Variants in HEATR5A observed in about 807,000 individuals in gnomAD.
The protein encoded by HEATR5A is HEAT repeat-containing protein 5A.
A neutral mutation model predicts 218.8 loss-of-function variants in HEATR5A; 178 were observed. The observed-to-expected ratio is 0.81, with a 90% CI of 0.72 to 0.92. The LOEUF (loss-of-function observed/expected upper bound fraction) is 0.92. HEATR5A is among the 40% of genes least tolerant of loss of function. The pLI, the probability that HEATR5A is intolerant of heterozygous loss-of-function variation, is 0.00. For missense variants in HEATR5A, 2,420 were observed against 2,418.9 expected (o/e 1.00, Z -0.01); for synonymous variants, 864 against 871.6 (o/e 0.99, Z 0.15).
At position 31,366,252 on chromosome 14, in the gene HEATR5A, C is replaced by G. The variant is rs368109940; in HGVS notation, c.1962-1954G>C. Among the ~76,000 whole-genome samples, 11 of 152,112 alleles carry G rather than the reference C, an allele frequency of 7.2e-5. No homozygotes were observed. In the South Asian group the frequency reaches 2.3e-3, roughly 32 times the overall value. On this transcript the variant is annotated intron_variant, in intron 13 of 35. Coordinates refer to ENST00000543095, the MANE Select transcript of HEATR5A (RefSeq NM_015473.4). ...CTGCGCCACTGCACTCAATCCCGGG[C>G]GACAGACTGAAATAGTGTCTCAAAA...
chr14:31,403,003 A>T lies in HEATR5A; in HGVS notation c.-28T>A, dbSNP rs1299777865. The T allele has an allele frequency of 1.3e-6, 2 of 1,528,080 alleles. No homozygotes were observed. The highest frequency in any genetic ancestry group is 1.8e-6 in the Non-Finnish European group (2 of 1,142,086). 94.7% of individuals were successfully genotyped at this position (1,528,080 alleles called of 1,614,324 possible). ...CTTGCAGCAATCCTCCCAGCTGATCACAGTTCTTCTCGTTAAACTTTGGTC... is the reference window on the plus strand; with the variant it reads ...CTTGCAGCAATCCTCCCAGCTGATCTCAGTTCTTCTCGTTAAACTTTGGTC... On this transcript the variant is annotated 5_prime_UTR_variant, in exon 2 of 36. Coordinates refer to ENST00000543095, the MANE Select transcript of HEATR5A (RefSeq NM_015473.4).
chr14:31,311,878 T>C (rs1595085209), intron 28 of HEATR5A, among the ~76,000 whole-genome samples: 1 of 152,210 alleles, frequency 6.6e-6, no homozygotes, highest in African/African-American at 2.4e-5. Flanking sequence ...TATATCCTAA[T>C]GTGATCTGTA....
chr14:31,344,871 T>C (rs1030839608), intron 20 of HEATR5A, among the ~76,000 whole-genome samples: 2 of 152,220 alleles, frequency 1.3e-5, no homozygotes, highest in African/African-American at 2.4e-5. Context: ...TCTGTCATTT[T>C]AACTGTTAAG....
chr14:31,358,834 T>A (rs1901514916), intron 15 of HEATR5A, 22 bp from the exon 16 acceptor site: 1 of 1,611,298 alleles, frequency 6.2e-7, no homozygotes, highest in Admixed American at 1.7e-5. Flanking sequence ...AAAAAGTATA[T>A]AAGGTTTTAA....
intron 28 of HEATR5A, 24 bp downstream of exon 28, chr14:31,312,944 T>C: frequency 6.6e-7 from 1 of 1,522,978 alleles, no homozygotes; most frequent in Non-Finnish European, 9.1e-7. Context: ...CTCTAGGAAT[T>C]ATCTAAGTAT....
At chr14:31,321,930 A>T (rs1016743185) in intron 24 of HEATR5A, among the ~76,000 whole-genome samples, 15 of 152,192 alleles carry the variant, frequency 9.9e-5, no homozygotes, top group African/African-American at 3.6e-4. Context: ...AGCATTTTTT[A>T]AGTGTCCTAA....
At chr14:31,382,860 G>A (rs2030051381) in intron 10 of HEATR5A, among the ~76,000 whole-genome samples, 1 of 150,866 alleles carries the variant, frequency 6.6e-6, no homozygotes, top group Admixed American at 6.7e-5. Flanking sequence ...AGCCCCTTAA[G>A]TTACCTCTTT....
chr14:31,298,440 T>A (rs558228485), intron 33 of HEATR5A, among the ~76,000 whole-genome samples: 1 of 152,178 alleles, frequency 6.6e-6, no homozygotes, highest in South Asian at 2.1e-4. Context: ...AGAAGCAAGC[T>A]CATCATAAAC....
In HEATR5A at chr14:31,329,995, G is replaced by T. The variant is rs758795580; in HGVS notation, c.3368-3653C>A. Among the ~76,000 whole-genome samples, 3 of 152,246 alleles carry T rather than the reference G, an allele frequency of 2.0e-5. No individual in the cohort carries two copies. In the East Asian group the frequency reaches 5.8e-4, roughly 29 times the overall value. ...CAAAGTGCTGGGATTATGGGCGTGA[G>T]CCATCATGCCCGGCCTTGACAGTGG... On this transcript the variant is annotated intron_variant, in intron 22 of 35. Coordinates refer to ENST00000543095, the MANE Select transcript of HEATR5A (RefSeq NM_015473.4).
chr14:31,397,393 C>T (rs1261936168), intron 4 of HEATR5A, among the ~76,000 whole-genome samples: 2 of 151,790 alleles, frequency 1.3e-5, no homozygotes, highest in African/African-American at 2.4e-5. Context: ...CATGGTGGCT[C>T]ATGCCTGTAA....
chr14:31,329,712 C>T (rs191332577), intron 22 of HEATR5A, among the ~76,000 whole-genome samples: 1 of 152,150 alleles, frequency 6.6e-6, no homozygotes, highest in East Asian at 1.9e-4. Context: ...TAGAGACCCT[C>T]TTCTTTTCTT....
chr14:31,360,287 T>C (rs1201847200), intron 14 of HEATR5A, among the ~76,000 whole-genome samples: 6 of 152,234 alleles, frequency 3.9e-5, no homozygotes, highest in African/African-American at 1.4e-4. Context: ...TTCTACAGTC[T>C]GGGTTTTTAT....
Position 31,323,731 on chromosome 14 carries a change from C to A in HEATR5A, c.3621G>T (p.Leu1207=). ...GGGATTTTTCATCACGTCTGGTGGT[C>A]AGGACTGAGGCATCATCCCCTTTAT... ...EGDKGDDASV[L]TTRRDEKSHP... The change falls in exon 24 of 36, where the codon CTG becomes CTT. Residue 1207 remains leucine (L), a synonymous_variant. Transcript: ENST00000543095. 1 of 1,613,192 alleles carries A rather than the reference C, an allele frequency of 6.2e-7. No homozygotes were observed. The highest frequency in any genetic ancestry group is 8.5e-7 in the Non-Finnish European group (1 of 1,179,294).
At chr14:31,339,284 T>C (rs1376528465) in intron 21 of HEATR5A, among the ~76,000 whole-genome samples, 1 of 151,080 alleles carries the variant, frequency 6.6e-6, no homozygotes, top group Non-Finnish European at 1.5e-5. Context: ...GCCCTGTCTC[T>C]ACTAGTAACA....
intron 17 of HEATR5A, among the ~76,000 whole-genome samples, chr14:31,350,263 C>G (rs1191486969): frequency 6.6e-6 from 1 of 151,870 alleles, no homozygotes; most frequent in Non-Finnish European, 1.5e-5. Flanking sequence ...ACAAAATAAG[C>G]GACTAATGAA....
chr14:31,385,868 C>T (rs752182847), intron 9 of HEATR5A, among the ~76,000 whole-genome samples: 1 of 152,072 alleles, frequency 6.6e-6, no homozygotes. Flanking sequence ...GCTGGGAATA[C>T]AGGCATGCGC....
chr14:31,398,874 C>T, intron 3 of HEATR5A, 93 bp from the exon 4 acceptor site: 1 of 679,094 alleles, frequency 1.5e-6, no homozygotes, highest in African/African-American at 1.8e-5. Flanking sequence ...TGAAAAATAT[C>T]CCCCATTCTC....
chr14:31,315,874 A>C lies in HEATR5A; in HGVS notation c.4114T>G (p.Ser1372Ala). 6.2e-7 allele frequency: 1 copy of C among 1,604,194 alleles called. No individual in the cohort carries two copies. The highest frequency in any genetic ancestry group is 8.5e-7 in the Non-Finnish European group (1 of 1,174,932). The change falls in exon 27 of 36, where the codon TCA becomes GCA. Residue 1372 changes from serine (S) to alanine (A), a missense_variant. Coordinates refer to ENST00000543095, the MANE Select transcript of HEATR5A (RefSeq NM_015473.4). ...CCAGCCTGTATTTTAGTTAACGATG[A>C]AACAAGCAACTGATGAACTCTTCGG... ...DLRRVHQLLV[S>A]SLTKIQAGKE... is the part of the protein sequence containing the mutation.
In HEATR5A at chr14:31,414,188, T is replaced by C. The variant is rs184910738; in HGVS notation, c.-75+6284A>G. On this transcript the variant is annotated intron_variant, in intron 1 of 35. Transcript: ENST00000543095. ...GGAATGCCAGAGGCAGATTTTAAGT[T>C]AAGAAGTTTTACTTTTCTTGTATCT... Among the ~76,000 whole-genome samples the C allele has an allele frequency of 6.2e-4, 94 of 152,348 alleles. 1 individual carries two copies. The highest frequency in any genetic ancestry group is 2.1e-4 in the Non-Finnish European group (14 of 68,042).
Sources: allele counts gnomAD v4.1 joint callset (sites outside exome capture counted in the v4.1 genomes callset), GRCh38; gene constraint gnomAD v4.1.1; transcripts MANE v1.5; gene names NCBI Gene and HGNC (gene_info 2026-07-23, HGNC 2026-07-21).